The following MAN1A1 variants were observed in gnomAD, a reference collection of about 807,000 sequenced individuals.
MAN1A1 encodes the protein mannosyl-oligosaccharide 1,2-alpha-mannosidase IA.
In MAN1A1, 29 loss-of-function variants were observed where a neutral mutation model predicts 70.8. The ratio of observed to expected loss-of-function variants is 0.41; its 90% CI spans 0.31 to 0.56. MAN1A1 has a LOEUF of 0.56. MAN1A1 is among the 20% of genes least tolerant of loss of function. The pLI, the probability that MAN1A1 is intolerant of heterozygous loss-of-function variation, is 0.29. For synonymous variants in MAN1A1, 349 were observed against 330.1 expected (o/e 1.06, Z -0.62); for missense variants, 747 against 841.3 (o/e 0.89, Z 1.39).
chr6:119,320,116 G>A (rs1241718615), intron 2 of MAN1A1, among the ~76,000 whole-genome samples: 1 of 152,124 alleles, frequency 6.6e-6, no homozygotes, highest in East Asian at 1.9e-4. Flanking sequence ...TGGGACTACA[G>A]GCGCTCACCA....
chr6:119,257,606 T>C (rs1775495133), intron 5 of MAN1A1, among the ~76,000 whole-genome samples: 1 of 152,146 alleles, frequency 6.6e-6, no homozygotes, highest in Non-Finnish European at 1.5e-5. Context: ...AAGAAGAAAG[T>C]ATATGCTTTT....
At chr6:119,306,797 G>T in intron 3 of MAN1A1, 99 bp downstream of exon 3, 1 of 803,630 alleles carries the variant, frequency 1.2e-6, no homozygotes, top group Non-Finnish European at 2.1e-6. Flanking sequence ...TAACCAAATG[G>T]CCTGGAGGGC....
Position 119,349,094 on chromosome 6 carries a change from G to A in MAN1A1, c.-29C>T, listed in dbSNP as rs929108708. ...TCCCGCTGTCCAGTGGTCCGGCGCC[G>A]CGCCGCTCAGCAGCCAAACTTCGCC... On this transcript the variant is annotated 5_prime_UTR_variant, in exon 2 of 13. Coordinates refer to ENST00000368468, the MANE Select transcript of MAN1A1 (RefSeq NM_005907.4). 5 of 1,268,800 alleles carry A rather than the reference G, an allele frequency of 3.9e-6. No individual in the cohort carries two copies. Among genetic ancestry groups the A allele is most frequent in the East Asian group, 3.2e-5 (1 of 31,364 alleles). The allele number at this position is 1,268,800 out of a possible 1,614,324, so 78.6% of individuals were successfully genotyped here. A position where few individuals can be genotyped will look rare whatever the true frequency, so the allele number is the denominator to read the frequency against.
At chr6:119,230,708 G>A (rs1774652479) in intron 6 of MAN1A1, among the ~76,000 whole-genome samples, 2 of 152,200 alleles carry the variant, frequency 1.3e-5, no homozygotes, top group African/African-American at 4.8e-5. Flanking sequence ...ACCTGGTCCA[G>A]GATCTAGGAG....
At chr6:119,349,476 G>C in intron 1 of MAN1A1, 66 bp downstream of exon 1, 1 of 955,742 alleles carries the variant, frequency 1.0e-6, no homozygotes, top group South Asian at 4.8e-5. Context: ...CGTGGGTAGG[G>C]GAGGGGTGTC....
chr6:119,188,643 A>T (rs1773356606), intron 10 of MAN1A1, 66 bp from the exon 11 acceptor site: 2 of 1,398,962 alleles, frequency 1.4e-6, no homozygotes, highest in South Asian at 2.6e-5. Context: ...CAATAACTTA[A>T]ATGAAACTAG....
intron 5 of MAN1A1, among the ~76,000 whole-genome samples, chr6:119,271,064 T>C (rs1432383984): frequency 1.1e-4 from 17 of 152,300 alleles, no homozygotes; most frequent in African/African-American, 3.8e-4. Context: ...TTCTTTTTCA[T>C]TCCCACATAT....
chr6:119,336,858 T>C (rs1431423015), intron 2 of MAN1A1, among the ~76,000 whole-genome samples: 2 of 151,968 alleles, frequency 1.3e-5, no homozygotes, highest in Non-Finnish European at 2.9e-5. Flanking sequence ...AAAATTGAAA[T>C]ACAAGAAAAA....
intron 2 of MAN1A1, among the ~76,000 whole-genome samples, chr6:119,334,487 TGAAAATCTTTAA>T (rs3839399): frequency 0.18 from 27,046 of 152,148 alleles, 2,713 homozygotes; most frequent in Admixed American, 0.29. Context: ...AATGTTCTTC[TGAAAATCTTTAA>T]GAGTATAATG....
chr6:119,202,034 T>C (rs929663725), intron 7 of MAN1A1, among the ~76,000 whole-genome samples: 1 of 152,128 alleles, frequency 6.6e-6, no homozygotes, highest in African/African-American at 2.4e-5. Context: ...ATAAACATGG[T>C]ACACTTAGCC....
chr6:119,187,541 A>G (rs1773324107), intron 11 of MAN1A1, among the ~76,000 whole-genome samples: 2 of 152,220 alleles, frequency 1.3e-5, no homozygotes, highest in African/African-American at 2.4e-5. Flanking sequence ...TGGCTTCCTA[A>G]GATATTAGTT....
intron 3 of MAN1A1, 139 bp from the exon 4 acceptor site, chr6:119,302,242 C>A: frequency 2.0e-6 from 1 of 505,288 alleles, no homozygotes; most frequent in Non-Finnish European, 3.6e-6. Flanking sequence ...AAAATTCTTT[C>A]AATGAAAGTA....
intron 6 of MAN1A1, among the ~76,000 whole-genome samples, chr6:119,214,197 C>T (rs1774132689): frequency 6.6e-6 from 1 of 152,110 alleles, no homozygotes; most frequent in Non-Finnish European, 1.5e-5. Flanking sequence ...AACTCCTGAC[C>T]TCGTGATCTG....
chr6:119,349,003 C>A lies in MAN1A1; in HGVS notation c.63G>T (p.Gly21=). ...CCTTCCTGCCACCGCCGCCGCCGAG[C>A]CCCCCGCCCAGGACGCCGCCCGCGG... ...SSPAGGVLGG[G]LGGGGGRKGS... The change falls in exon 2 of 13, where the codon GGG becomes GGT. Residue 21 remains glycine, a synonymous_variant. Coordinates refer to ENST00000368468, the MANE Select transcript of MAN1A1 (RefSeq NM_005907.4). 1 of 1,410,880 alleles carries A rather than the reference C, an allele frequency of 7.1e-7. No individual in the cohort carries two copies. The highest frequency in any genetic ancestry group is 9.3e-7 in the Non-Finnish European group (1 of 1,078,470). The allele number at this position is 1,410,880 out of a possible 1,614,324, so 87.4% of individuals were successfully genotyped here.
chr6:119,203,369 G>A (rs550953578), intron 7 of MAN1A1, among the ~76,000 whole-genome samples: 1 of 152,182 alleles, frequency 6.6e-6, no homozygotes, highest in East Asian at 1.9e-4. Flanking sequence ...CAAGTACAAA[G>A]GCCCTGAGGA....
chr6:119,343,208 C>T (rs1377938867), intron 2 of MAN1A1, among the ~76,000 whole-genome samples: 1 of 151,324 alleles, frequency 6.6e-6, no homozygotes, highest in Admixed American at 6.6e-5. Context: ...TGTATGTTTT[C>T]TGTACTCTCT....
chr6:119,185,703 A>C (rs1490323949), intron 11 of MAN1A1, among the ~76,000 whole-genome samples: 1 of 151,870 alleles, frequency 6.6e-6, no homozygotes, highest in Non-Finnish European at 1.5e-5. Flanking sequence ...CAGCCTCCTG[A>C]GTAGCTGGGA....
In MAN1A1 at chr6:119,322,347, G is replaced by C. The variant is rs188032401; in HGVS notation, c.604-15355C>G. Among the ~76,000 whole-genome samples, 87 of 152,236 alleles carry C rather than the reference G, an allele frequency of 5.7e-4. 1 individual carries two copies. The highest frequency in any genetic ancestry group is 6.8e-4 in the Non-Finnish European group (46 of 68,024). ...CTTGACCCTCTCAGTACTGGGCCCTGCTCAGCTTAGACCAATTACTACTAT... is the reference window on the plus strand; with the variant it reads ...CTTGACCCTCTCAGTACTGGGCCCTCCTCAGCTTAGACCAATTACTACTAT... On this transcript the variant is annotated intron_variant, in intron 2 of 12. Transcript: ENST00000368468.
At position 119,247,496 on chromosome 6, in the gene MAN1A1, T is replaced by C. The variant is rs576641950; in HGVS notation, c.992+764A>G. Among the ~76,000 whole-genome samples, 196 of 152,260 alleles carry C rather than the reference T, an allele frequency of 1.3e-3. 1 individual carries two copies. The highest frequency in any genetic ancestry group is 4.6e-3 in the African/African-American group (189 of 41,534). On this transcript the variant is annotated intron_variant, in intron 6 of 12. Coordinates refer to ENST00000368468, the MANE Select transcript of MAN1A1 (RefSeq NM_005907.4). ...CTGTCTCATCATTATCACAGAGAGG[T>C]ACAGGCAATTAATAACTTATGGGCA...
Sources: allele counts gnomAD v4.1 joint callset (sites outside exome capture counted in the v4.1 genomes callset), GRCh38; gene constraint gnomAD v4.1.1; transcripts MANE v1.5; gene names NCBI Gene and HGNC (gene_info 2026-07-23, HGNC 2026-07-21).